The following TATDN1 variants were observed in gnomAD, a reference collection of about 807,000 sequenced individuals.
TATDN1 encodes TatD DNase domain containing 1, also known as deoxyribonuclease TATDN1.
In TATDN1, 40 loss-of-function variants were observed where a neutral mutation model predicts 46.4. The observed-to-expected ratio is 0.86, with a 90% CI of 0.67 to 1.12. The LOEUF (loss-of-function observed/expected upper bound fraction) is 1.12. Ranked by LOEUF, TATDN1 falls within the 50% of genes most tolerant of loss-of-function variation. The probability of loss-of-function intolerance (pLI) is 0.00; values close to 1 mark genes in which losing one functional copy is unlikely to be tolerated. For missense variants in TATDN1, 326 were observed against 348.4 expected, an observed-to-expected ratio of 0.94 and a Z score of 0.51; for synonymous variants, 95 against 105.6, an observed-to-expected ratio of 0.90 and a Z score of 0.62.
chr8:124,508,754 G>T, intron 6 of TATDN1, 66 bp from the exon 7 acceptor site: 1 of 998,082 alleles, frequency 1.0e-6, no homozygotes. Flanking sequence ...AGGTAATGAT[G>T]TCAAAAGAGC....
intron 6 of TATDN1, among the ~76,000 whole-genome samples, chr8:124,514,245 C>T (rs1819269597): frequency 6.6e-6 from 1 of 152,172 alleles, no homozygotes. Flanking sequence ...GGGTACATAT[C>T]AGAATCCCAT....
At chr8:124,499,868 C>T (rs993291905) in intron 9 of TATDN1, among the ~76,000 whole-genome samples, 5 of 137,536 alleles carry the variant, frequency 3.6e-5, no homozygotes, top group African/African-American at 1.4e-4. Context: ...TTTTTTGAGA[C>T]ACAGTCTGGT....
In TATDN1 at chr8:124,515,762, T is replaced by C. The variant is rs765931660; in HGVS notation, c.373A>G (p.Lys125Glu). The change falls in exon 6 of 12, where the codon AAA becomes GAA. Residue 125 changes from lysine (K) to glutamate (E), a missense_variant. Lys to Glu is a moderately conservative substitution (Grantham distance 56, BLOSUM62 1). Coordinates refer to ENST00000276692, the MANE Select transcript of TATDN1 (RefSeq NM_032026.4). ...LDFDRLQFCP[K>E]DTQLKYFEKQ... ...TTTCCTTACTTGAGTTGAGTATCTT[T>C]GGGACAAAACTGCAGTCGGTCAAAA... is the stretch of plus-strand genomic sequence containing the variant. 1.2e-6 allele frequency: 2 copies of C among 1,613,832 alleles called. No individual in the cohort carries two copies. Among genetic ancestry groups the C allele is most frequent in the African/African-American group, 1.3e-5 (1 of 75,060 alleles).
intron 8 of TATDN1, chr8:124,504,780 CTT>C (rs1818268990): frequency 7.0e-6 from 1 of 143,158 alleles, no homozygotes; most frequent in Non-Finnish European, 1.5e-5. Flanking sequence ...GAGTTTTGCT[CTT>C]GTTGCCCAGG....
At chr8:124,536,081 T>C (rs968279154) in intron 1 of TATDN1, among the ~76,000 whole-genome samples, 9 of 152,264 alleles carry the variant, frequency 5.9e-5, no homozygotes, top group Admixed American at 5.9e-4. Context: ...TGCATTTTCT[T>C]CTTGCACAGA....
At chr8:124,538,958 T>C in intron 1 of TATDN1, 67 bp downstream of exon 1, 1 of 1,600,384 alleles carries the variant, frequency 6.2e-7, no homozygotes, top group East Asian at 2.2e-5. Flanking sequence ...CTGGGTCCTG[T>C]GACCTTGGTG....
intron 1 of TATDN1, among the ~76,000 whole-genome samples, chr8:124,532,099 G>C (rs886960059): frequency 6.6e-6 from 1 of 152,116 alleles, no homozygotes; most frequent in African/African-American, 2.4e-5. Flanking sequence ...GGAGGAGGAG[G>C]AGGAGGAGGA....
chr8:124,492,463 A>C (rs991137679), intron 11 of TATDN1, among the ~76,000 whole-genome samples: 4 of 152,076 alleles, frequency 2.6e-5, no homozygotes, highest in African/African-American at 9.7e-5. Flanking sequence ...TCTTTTCTCT[A>C]GTGTCCTTTT....
At chr8:124,523,275 G>A in intron 1 of TATDN1, 1 of 355,994 alleles carries the variant, frequency 2.8e-6, no homozygotes, top group Non-Finnish European at 5.1e-6. Flanking sequence ...CTGGTACTAT[G>A]GGACACAGAA....
rs79161425 is a variant in TATDN1, at chr8:124,530,954, G to A, written c.23-7952C>T. Among the ~76,000 whole-genome samples the A allele has an allele frequency of 1.3e-3, 203 of 152,282 alleles. 1 individual carries two copies. The highest frequency in any genetic ancestry group is 4.6e-3 in the African/African-American group (192 of 41,558). ...GATTCAGCAAGGGTTGTTGTTTTCA[G>A]ATGAGACATGTGCGACCAGGAGTCA... On this transcript the variant is annotated intron_variant, in intron 1 of 11. Coordinates refer to ENST00000276692, the MANE Select transcript of TATDN1 (RefSeq NM_032026.4).
At chr8:124,502,641 T>C (rs894738268) in intron 9 of TATDN1, among the ~76,000 whole-genome samples, 3 of 152,026 alleles carry the variant, frequency 2.0e-5, no homozygotes, top group Admixed American at 6.6e-5. Flanking sequence ...CTAGTCCAAA[T>C]TGAAACACAT....
chr8:124,529,576 G>A (rs989752635), intron 1 of TATDN1, among the ~76,000 whole-genome samples: 1 of 152,160 alleles, frequency 6.6e-6, no homozygotes, highest in Non-Finnish European at 1.5e-5. Context: ...GCCTGAATGG[G>A]GGGCACAAGT....
At chr8:124,529,169 C>T (rs76785139) in intron 1 of TATDN1, among the ~76,000 whole-genome samples, 2 of 152,192 alleles carry the variant, frequency 1.3e-5, no homozygotes, top group South Asian at 2.1e-4. Context: ...GTCTTTGTTT[C>T]GGGCTCAGTC....
At chr8:124,538,953 T>TC (rs779263464) in intron 1 of TATDN1, 72 bp downstream of exon 1, 1 of 1,589,942 alleles carries the variant, frequency 6.3e-7, no homozygotes, top group Non-Finnish European at 8.6e-7. Context: ...AATTCCTGGG[T>TC]CCTGTGACCT....
At chr8:124,527,049 C>T (rs886552506) in intron 1 of TATDN1, among the ~76,000 whole-genome samples, 3 of 152,236 alleles carry the variant, frequency 2.0e-5, no homozygotes, top group Middle Eastern at 3.4e-3. Context: ...CTTTTATTGA[C>T]GTGCAACCTG....
At chr8:124,533,112 C>T (rs188088596) in intron 1 of TATDN1, among the ~76,000 whole-genome samples, 1 of 151,892 alleles carries the variant, frequency 6.6e-6, no homozygotes, top group Non-Finnish European at 1.5e-5. Flanking sequence ...ATTAGCCGGG[C>T]GTGGTGGCAG....
intron 6 of TATDN1, among the ~76,000 whole-genome samples, chr8:124,514,111 C>T (rs1819256721): frequency 6.6e-6 from 1 of 152,168 alleles, no homozygotes; most frequent in Non-Finnish European, 1.5e-5. Context: ...CAGAGCATTA[C>T]GTTAACCCAT....
intron 1 of TATDN1, among the ~76,000 whole-genome samples, chr8:124,529,713 T>G (rs538359786): frequency 3.3e-4 from 51 of 152,350 alleles, no homozygotes; most frequent in African/African-American, 1.2e-3. Flanking sequence ...AATGTAAATA[T>G]TGTGGGCACT....
At chr8:124,493,528 T>C (rs185725620) in intron 11 of TATDN1, among the ~76,000 whole-genome samples, 1 of 152,338 alleles carries the variant, frequency 6.6e-6, no homozygotes, top group Non-Finnish European at 1.5e-5. Flanking sequence ...AGATCACTTA[T>C]CCTTTTGTTC....
Sources: gnomAD v4.1 joint callset for allele counts (sites outside exome capture counted in the v4.1 genomes callset) on GRCh38, gnomAD v4.1.1 for gene constraint, MANE v1.5 for transcripts, NCBI Gene and HGNC (gene_info 2026-07-23, HGNC 2026-07-21) for gene names.